POLD1: variants seen among roughly 807,000 people sequenced by gnomAD.
POLD1 encodes DNA polymerase delta 1, catalytic subunit.
In POLD1, 79 loss-of-function variants were observed where a neutral mutation model predicts 129.7. That is an observed-to-expected ratio of 0.61 (90% CI 0.51 to 0.73). The LOEUF (loss-of-function observed/expected upper bound fraction) is 0.73. Among genes scored for constraint, POLD1 ranks in the 30% least tolerant of loss-of-function variants. POLD1 has a pLI of 0.00. For synonymous variants in POLD1, 714 were observed against 683.3 expected (o/e 1.04, Z -0.70); for missense variants, 1,338 against 1,595.8 (o/e 0.84, Z 2.75).
At chr19:50,405,304 A>G (rs2038836191) in intron 10 of POLD1, among the ~76,000 whole-genome samples, 1 of 152,222 alleles carries the variant, frequency 6.6e-6, no homozygotes, top group Non-Finnish European at 1.5e-5. Flanking sequence ...ACATATTTCC[A>G]AATGAGGTTA....
intron 1 of POLD1, among the ~76,000 whole-genome samples, chr19:50,389,663 T>C (rs1206791607): frequency 6.6e-6 from 1 of 151,688 alleles, no homozygotes; most frequent in Non-Finnish European, 1.5e-5. Flanking sequence ...CTCGGCTCAC[T>C]GCAACCTCTG....
Position 50,406,282 on chromosome 19 carries a change from T to G in POLD1, c.1343T>G (p.Val448Gly), listed in dbSNP as rs2122320239. 1 of 1,613,950 alleles carries G rather than the reference T, an allele frequency of 6.2e-7. No individual in the cohort carries two copies. ...SKQTGRRDTK[V>G]VSMVGRVQMD... ...CAGACGGGCCGGCGGGACACCAAGG[T>G]TGTCAGCATGGTGGGCCGCGTGCAG... is the stretch of plus-strand genomic sequence containing the variant. The change falls in exon 11 of 27, where the codon GTT (valine) becomes GGT (glycine). Residue 448 changes from valine to glycine, a missense_variant. Around this residue, in one of 3 missense-constraint regions of POLD1, gnomAD observed 720 missense variants for 1,002.6 expected, o/e 0.72. Coordinates refer to ENST00000440232, the MANE Select transcript of POLD1 (RefSeq NM_002691.4). This position sits in a 1 kb window ranked among gnomAD's most constrained non-coding sequence, Gnocchi z 5.5.
At chr19:50,410,576 G>T (rs2039055726) in intron 17 of POLD1, among the ~76,000 whole-genome samples, 2 of 152,150 alleles carry the variant, frequency 1.3e-5, no homozygotes, top group South Asian at 2.1e-4. Flanking sequence ...ATTTAATACA[G>T]CAAAAGGACA....
At position 50,406,331 on chromosome 19, in the gene POLD1, G is replaced by T. The variant is rs767098823; in HGVS notation, c.1383+9G>T. On this transcript the variant is annotated intron_variant, in intron 11 of 26. Transcript: ENST00000440232. This position sits in a 1 kb window ranked among gnomAD's most constrained non-coding sequence, Gnocchi z 5.5. ...AGATGGACATGCTGCAGGTATGGGC[G>T]GGAGGTGGGGTGTGTCCCTGTCCTT... 1 of 1,613,418 alleles carries T rather than the reference G, an allele frequency of 6.2e-7. No homozygotes were observed. Among genetic ancestry groups the T allele is most frequent in the Non-Finnish European group, 8.5e-7 (1 of 1,179,628 alleles).
chr19:50,396,508 C>T (rs3219355), intron 1 of POLD1, among the ~76,000 whole-genome samples: 5 of 149,516 alleles, frequency 3.3e-5, no homozygotes, highest in Admixed American at 2.0e-4. Flanking sequence ...GATGGAGTCT[C>T]GCTCTGTTGC....
chr19:50,391,302 C>T (rs555989962), intron 1 of POLD1, among the ~76,000 whole-genome samples: 36 of 152,124 alleles, frequency 2.4e-4, no homozygotes, highest in East Asian at 7.7e-4. Context: ...GGGTGGCGGC[C>T]GGGCAGAGGC....
rs1209038852 is a variant in POLD1 at position 50,406,144 on chromosome 19, A to AC, written c.1243-35dup. 6.3e-7 allele frequency: 1 copy of AC among 1,597,530 alleles called. No individual in the cohort carries two copies. The highest frequency in any genetic ancestry group is 8.6e-7 in the Non-Finnish European group (1 of 1,168,974). ...CGTTCTTCAGGCTTATGTGACGGGG[A>AC]CCCGCAGCCTGCTGCACACCCTGCC... is the stretch of plus-strand genomic sequence containing the variant. On this transcript the variant is annotated intron_variant, in intron 10 of 26. Coordinates refer to ENST00000440232, the MANE Select transcript of POLD1 (RefSeq NM_002691.4). This position sits in a 1 kb window ranked among gnomAD's most constrained non-coding sequence, Gnocchi z 5.5.
At chr19:50,392,668 G>A (rs982604693) in intron 1 of POLD1, among the ~76,000 whole-genome samples, 1 of 151,838 alleles carries the variant, frequency 6.6e-6, no homozygotes, top group African/African-American at 2.4e-5. Flanking sequence ...GTAGAGATGG[G>A]GTTTCACCAT....
chr19:50,415,936 C>T, intron 22 of POLD1, 110 bp downstream of exon 22: 1 of 807,756 alleles, frequency 1.2e-6, no homozygotes, highest in Non-Finnish European at 1.9e-6. Context: ...CCTGTGGGGC[C>T]CTGAGAACCG....
chr19:50,386,203 G>A (rs1023407904), intron 1 of POLD1, among the ~76,000 whole-genome samples: 2 of 151,876 alleles, frequency 1.3e-5, no homozygotes, highest in Non-Finnish European at 2.9e-5. Context: ...GCAGTGGCGC[G>A]ATCTCGGCTC....
Position 50,406,507 on chromosome 19 carries a change from C to T in POLD1, c.1484C>T (p.Thr495Ile), listed in dbSNP as rs2038890600. The change falls in exon 12 of 27, where the codon ACC (threonine) becomes ATC (isoleucine). Residue 495 changes from threonine (T) to isoleucine (I), a missense_variant. Transcript: ENST00000440232. This position sits in a 1 kb window ranked among gnomAD's most constrained non-coding sequence, Gnocchi z 5.5. ...QKEDVQHSII[T>I]DLQNGNDQTR... ...GAGGACGTGCAGCACAGCATCATCA[C>T]CGACCTGCAGGTGCCTGCTGCCTCC... 6.3e-7 allele frequency: 1 copy of T among 1,583,524 alleles called. No individual in the cohort carries two copies. The highest frequency in any genetic ancestry group is 1.3e-5 in the African/African-American group (1 of 74,158).
At chr19:50,410,671 A>T (rs1019689008) in intron 17 of POLD1, among the ~76,000 whole-genome samples, 2 of 152,214 alleles carry the variant, frequency 1.3e-5, no homozygotes, top group African/African-American at 4.8e-5. Flanking sequence ...CTCTCCCAGT[A>T]GAGTTGCCAG....
At chr19:50,387,959 C>A (rs996627255) in intron 1 of POLD1, among the ~76,000 whole-genome samples, 2 of 152,206 alleles carry the variant, frequency 1.3e-5, no homozygotes, top group Admixed American at 6.5e-5. Flanking sequence ...ATACGTCAGA[C>A]GTGTTCTAGC....
At position 50,399,029 on chromosome 19, in the gene POLD1, T is replaced by C. The variant is rs1555789135; in HGVS notation, c.178T>C (p.Ser60Pro). Residue 60 changes from serine to proline, a missense_variant, in exon 2 of 27, where the codon TCA (serine) becomes CCA (proline). Ser to Pro is a moderately conservative substitution (Grantham distance 74). Around this residue, in one of 3 missense-constraint regions of POLD1, gnomAD observed 332 missense variants for 315.7 expected, o/e 1.05. Coordinates refer to ENST00000440232, the MANE Select transcript of POLD1 (RefSeq NM_002691.4). ...LQEQEEEELQ[S>P]VLEGVADGQV... is the part of the protein sequence containing the mutation. ...GGAGCAGGAGGAGGAGGAGCTGCAG[T>C]CAGTCCTGGAGGGGGTTGCAGACGG... 5.1e-6 allele frequency: 8 copies of C among 1,556,624 alleles called. No individual in the cohort carries two copies. The highest frequency in any genetic ancestry group is 7.0e-6 in the Non-Finnish European group (8 of 1,149,886).
In POLD1 at chr19:50,398,867, C is replaced by T. The variant is rs55955638; in HGVS notation, c.16C>T (p.Arg6Trp). MDGKR[R>W]PGPGPGVPPK... is the part of the protein sequence containing the mutation. ...GCCCAGCAGGATGGATGGCAAGCGG[C>T]GGCCAGGCCCAGGGCCCGGGGTGCC... The change falls in exon 2 of 27, where the codon CGG becomes TGG. Residue 6 changes from arginine to tryptophan, a missense_variant. Physicochemically the swap from Arg to Trp is moderately radical, Grantham distance 101. Coordinates refer to ENST00000440232, the MANE Select transcript of POLD1 (RefSeq NM_002691.4). 20 of 1,608,032 alleles carry T rather than the reference C, an allele frequency of 1.2e-5. No homozygotes were observed. The East Asian group carries it at 1.8e-4, about 14-fold the overall frequency.
chr19:50,410,417 T>C (rs2039050213), intron 17 of POLD1, among the ~76,000 whole-genome samples: 1 of 152,156 alleles, frequency 6.6e-6, no homozygotes, highest in Admixed American at 6.5e-5. Flanking sequence ...TTCACAGGGC[T>C]CTGGGTGGAA....
chr19:50,413,643 C>G (rs1214934586), intron 18 of POLD1, 99 bp from the exon 19 acceptor site: 6 of 1,541,108 alleles, frequency 3.9e-6, no homozygotes, highest in Non-Finnish European at 5.3e-6. Context: ...CTGTTGCATC[C>G]TTGGGTCCCG....
At chr19:50,414,145 TGTG>T (rs1244398134) in intron 19 of POLD1, among the ~76,000 whole-genome samples, 3 of 152,276 alleles carry the variant, frequency 2.0e-5, no homozygotes, top group Admixed American at 1.3e-4. Flanking sequence ...ACCTGTCAGA[TGTG>T]GAGCTGCCCT....
At chr19:50,403,773 G>A (rs1202541200) in intron 10 of POLD1, among the ~76,000 whole-genome samples, 176 bp downstream of exon 10, 1 of 152,210 alleles carries the variant, frequency 6.6e-6, no homozygotes, top group Non-Finnish European at 1.5e-5. Flanking sequence ...AGTCGAAAAA[G>A]TTACTGTGGC....
Sources: allele counts gnomAD v4.1 joint callset (sites outside exome capture counted in the v4.1 genomes callset), GRCh38; gene constraint gnomAD v4.1.1; regional missense constraint gnomAD v4.1.1; non-coding constraint Gnocchi (gnomAD v3.1); transcripts MANE v1.5; gene names NCBI Gene and HGNC (gene_info 2026-07-23, HGNC 2026-07-21).